Variants in EIF4EBP2 observed in about 807,000 individuals in gnomAD.
EIF4EBP2 encodes eukaryotic translation initiation factor 4E binding protein 2, also known as eukaryotic translation initiation factor 4E-binding protein 2.
Under a neutral mutation model 10.3 loss-of-function variants are expected in EIF4EBP2, and 5 were observed. The ratio of observed to expected loss-of-function variants is 0.48; its 90% CI spans 0.25 to 1.02. EIF4EBP2 has a LOEUF of 1.02. Ranked by LOEUF, EIF4EBP2 falls within the 50% of genes least tolerant of loss-of-function variation. EIF4EBP2 has a pLI of 0.15. For synonymous variants in EIF4EBP2, 67 were observed against 61.1 expected (o/e 1.10, Z -0.45); for missense variants, 188 against 162.2 (o/e 1.16, Z -0.86).
intron 2 of EIF4EBP2, among the ~76,000 whole-genome samples, chr10:70,420,621 T>C (rs1451204362): frequency 6.6e-6 from 1 of 152,188 alleles, no homozygotes; most frequent in Non-Finnish European, 1.5e-5. Flanking sequence ...ATGTAGTTGG[T>C]GGGAGAAAAG....
At chr10:70,409,400 A>G (rs1027188374) in intron 1 of EIF4EBP2, among the ~76,000 whole-genome samples, 2 of 152,188 alleles carry the variant, frequency 1.3e-5, no homozygotes, top group Non-Finnish European at 2.9e-5. Flanking sequence ...TAAAGTTACT[A>G]TAGTTGGCTC....
intron 1 of EIF4EBP2, among the ~76,000 whole-genome samples, chr10:70,418,515 G>A (rs1349808045): frequency 6.6e-6 from 1 of 152,054 alleles, no homozygotes; most frequent in East Asian, 1.9e-4. Context: ...AACTTGATAG[G>A]GCTTAGAGAC....
chr10:70,411,294 C>G (rs1845041320), intron 1 of EIF4EBP2, among the ~76,000 whole-genome samples: 1 of 152,144 alleles, frequency 6.6e-6, no homozygotes, highest in Admixed American at 6.6e-5. Context: ...TTTGACTACT[C>G]TAGGAATCTC....
Position 70,421,743 on chromosome 10 carries a change from T to G in EIF4EBP2, c.359T>G (p.Ile120Ser), listed in dbSNP as rs2137232936. 6.2e-7 allele frequency: 1 copy of G among 1,613,224 alleles called. No homozygotes were observed. The highest frequency in any genetic ancestry group is 8.5e-7 in the Non-Finnish European group (1 of 1,179,826). Residue 120 changes from isoleucine (I) to serine (S), a missense_variant, in exon 3 of 3, where the codon ATC becomes AGC. Coordinates refer to ENST00000373218, the MANE Select transcript of EIF4EBP2 (RefSeq NM_004096.5). The part of the protein sequence containing the change: ...VGDDAQFEMD[I>S] ...GATGATGCTCAGTTCGAGATGGACA[T>G]CTGACTCTCCTGCAAGGATTAGAAG... is the stretch of plus-strand genomic sequence containing the variant.
chr10:70,418,063 C>T (rs1239104172), intron 1 of EIF4EBP2, among the ~76,000 whole-genome samples: 1 of 152,108 alleles, frequency 6.6e-6, no homozygotes, highest in African/African-American at 2.4e-5. Context: ...CCTTAATTCC[C>T]AACATGATAG....
intron 1 of EIF4EBP2, among the ~76,000 whole-genome samples, chr10:70,412,722 C>T (rs1368100434): frequency 6.6e-6 from 1 of 152,070 alleles, no homozygotes; most frequent in Non-Finnish European, 1.5e-5. Context: ...CCCTCTCTGT[C>T]AAAGGGACTC....
chr10:70,416,748 T>TC (rs1326431141), intron 1 of EIF4EBP2, among the ~76,000 whole-genome samples: 4 of 149,926 alleles, frequency 2.7e-5, no homozygotes, highest in Non-Finnish European at 5.9e-5. Flanking sequence ...CACTGTAACC[T>TC]CCATCTCCTG....
intron 1 of EIF4EBP2, among the ~76,000 whole-genome samples, chr10:70,418,018 T>C (rs1332563675): frequency 4.6e-5 from 7 of 152,208 alleles, no homozygotes; most frequent in Admixed American, 3.9e-4. Context: ...GCTATACAGA[T>C]TGAATTGTGT....
Position 70,425,929 on chromosome 10 carries a change from C to G in EIF4EBP2, c.*4182C>G, listed in dbSNP as rs1373592108. The G allele has an allele frequency of 6.6e-6, 1 of 152,208 alleles. No homozygotes were observed. The highest frequency in any genetic ancestry group is 1.5e-5 in the Non-Finnish European group (1 of 68,044). 9.4% of individuals were successfully genotyped at this position (152,208 alleles called of 1,614,324 possible). The stretch of plus-strand genomic sequence containing the variant: ...AGTCGGTGCTTGGTACCTGGTCTCT[C>G]CAGTCTCAACAGACTCAGGTCAGGT... On this transcript the variant is annotated 3_prime_UTR_variant, in exon 3 of 3. Transcript: ENST00000373218.
rs1845195544 is a variant in EIF4EBP2 at position 70,425,302 on chromosome 10, C to A, written c.*3555C>A. On this transcript the variant is annotated 3_prime_UTR_variant, in exon 3 of 3. Transcript: ENST00000373218. ...TAGTCTTGGAAAGGACACACCGTCA[C>A]TTCTTATCCTAGTTGTTAGAAGCAA... The A allele has an allele frequency of 6.6e-6, 1 of 152,234 alleles. No homozygotes were observed. The highest frequency in any genetic ancestry group is 2.1e-4 in the South Asian group (1 of 4,838). 9.4% of individuals were successfully genotyped at this position (152,234 alleles called of 1,614,324 possible).
rs1845163813 is a variant in EIF4EBP2 at position 70,422,117 on chromosome 10, A to C, written c.*370A>C. Reference sequence around the variant, plus strand: ...CAAATCAAATATCAACCTACCAACAACTGCCTGGCTGGGAAGTCTGGGGAA... The same window carrying C: ...CAAATCAAATATCAACCTACCAACACCTGCCTGGCTGGGAAGTCTGGGGAA... On this transcript the variant is annotated 3_prime_UTR_variant, in exon 3 of 3. Coordinates refer to ENST00000373218, the MANE Select transcript of EIF4EBP2 (RefSeq NM_004096.5). The C allele has an allele frequency of 4.7e-6, 1 of 213,192 alleles. No individual in the cohort carries two copies. Among genetic ancestry groups the C allele is most frequent in the Admixed American group, 5.2e-5 (1 of 19,120 alleles). 13.2% of individuals were successfully genotyped at this position (213,192 alleles called of 1,614,324 possible).
At chr10:70,409,050 C>A (rs972986369) in intron 1 of EIF4EBP2, among the ~76,000 whole-genome samples, 1 of 152,146 alleles carries the variant, frequency 6.6e-6, no homozygotes, top group African/African-American at 2.4e-5. Context: ...CAGGGACATT[C>A]ACAGCATAGC....
rs1472351430 is a variant in EIF4EBP2, at chr10:70,426,942, A to G, written c.*5195A>G. On this transcript the variant is annotated 3_prime_UTR_variant, in exon 3 of 3. Coordinates refer to ENST00000373218, the MANE Select transcript of EIF4EBP2 (RefSeq NM_004096.5). ...AGTCCATCATTTAGCCAGTATACAT[A>G]GAGGAACTGCTTCGAATCAAGGCAA... is the stretch of plus-strand genomic sequence containing the variant. 1 of 152,356 alleles carries G rather than the reference A, an allele frequency of 6.6e-6. No homozygotes were observed. Among genetic ancestry groups the G allele is most frequent in the African/African-American group, 2.4e-5 (1 of 41,462 alleles). 9.4% of individuals were successfully genotyped at this position (152,356 alleles called of 1,614,324 possible).
chr10:70,407,152 TTTCTCGCAGAGG>T (rs1377462439), intron 1 of EIF4EBP2, among the ~76,000 whole-genome samples: 60 of 149,008 alleles, frequency 4.0e-4, no homozygotes, highest in African/African-American at 1.3e-3. Context: ...TTCTTGGGTG[TTTCTCGCAGAGG>T]GGGATTTGGC....
intron 1 of EIF4EBP2, among the ~76,000 whole-genome samples, chr10:70,415,098 C>G (rs1199808981): frequency 6.6e-6 from 1 of 150,632 alleles, no homozygotes; most frequent in Non-Finnish European, 1.5e-5. Context: ...GTGTAGGTTG[C>G]AGTGAGCCAA....
chr10:70,405,830 G>T (rs536989722), intron 1 of EIF4EBP2, among the ~76,000 whole-genome samples: 20 of 152,186 alleles, frequency 1.3e-4, no homozygotes, highest in Non-Finnish European at 2.5e-4. Flanking sequence ...TGGGCGGGCT[G>T]CCTTGAAAGG....
In EIF4EBP2 at chr10:70,404,434, C is replaced by T. The variant is rs1240249488; in HGVS notation, c.33C>T (p.Pro11=). Residue 11 remains proline (P), a synonymous_variant, in exon 1 of 3, where the codon CCC becomes CCT. Coordinates refer to ENST00000373218, the MANE Select transcript of EIF4EBP2 (RefSeq NM_004096.5). ...CGTCAGCCGGCAGCGGCCACCAGCC[C>T]AGCCAGAGCCGCGCCATCCCCACCC... MSSSAGSGHQ[P]SQSRAIPTRT... 2 of 1,593,284 alleles carry T rather than the reference C, an allele frequency of 1.3e-6. No homozygotes were observed. The highest frequency in any genetic ancestry group is 1.4e-5 in the African/African-American group (1 of 72,042).
At position 70,424,384 on chromosome 10, in the gene EIF4EBP2, C is replaced by T. The variant is rs1384479884; in HGVS notation, c.*2637C>T. On this transcript the variant is annotated 3_prime_UTR_variant, in exon 3 of 3. Transcript: ENST00000373218. ...TTTCCCAGAGGCCACCACTACTAGA[C>T]AGTCTTTCTTTTATCTTATGGAGAT... 6.6e-6 allele frequency: 1 copy of T among 152,216 alleles called. No individual in the cohort carries two copies. The highest frequency in any genetic ancestry group is 2.1e-4 in the South Asian group (1 of 4,830). The allele number at this position is 152,216 out of a possible 1,614,324, so 9.4% of individuals were successfully genotyped here.
At chr10:70,415,833 G>A (rs1194878372) in intron 1 of EIF4EBP2, among the ~76,000 whole-genome samples, 1 of 151,944 alleles carries the variant, frequency 6.6e-6, no homozygotes, top group Non-Finnish European at 1.5e-5. Flanking sequence ...CCTTGGATTA[G>A]GCAGTGGCCT....
Sources: allele counts gnomAD v4.1 joint callset (sites outside exome capture counted in the v4.1 genomes callset), GRCh38; gene constraint gnomAD v4.1.1; transcripts MANE v1.5; gene names NCBI Gene and HGNC (gene_info 2026-07-23, HGNC 2026-07-21).